TMEM42: variants seen among roughly 807,000 people sequenced by gnomAD.
TMEM42 encodes the protein transmembrane protein 42.
A neutral mutation model predicts 14.0 loss-of-function variants in TMEM42; 8 were observed. The observed-to-expected ratio is 0.57, with a 90% CI of 0.34 to 1.03. The LOEUF is 1.03. Among genes scored for constraint, TMEM42 ranks in the 50% least tolerant of loss-of-function variants. The pLI, the probability that TMEM42 is intolerant of heterozygous loss-of-function variation, is 0.03. For missense variants in TMEM42, 211 were observed against 219.8 expected (o/e 0.96, Z 0.25); for synonymous variants, 115 against 94.3 (o/e 1.22, Z -1.27).
chr3:44,864,479 G>A (rs928986151), intron 2 of TMEM42, 136 bp downstream of exon 2: 5 of 995,462 alleles, frequency 5.0e-6, no homozygotes, highest in Middle Eastern at 5.1e-4. Context: ...TTGACCCCTG[G>A]ATGAGTGCTC....
chr3:44,863,310 C>T (rs998010828), intron 1 of TMEM42: 1 of 117,436 alleles, frequency 8.5e-6, no homozygotes, highest in Non-Finnish European at 2.0e-5. Context: ...ACCCCCCCCC[C>T]CCGCCGCCTT....
Position 44,865,131 on chromosome 3 carries a change from A to C in TMEM42, c.431A>C (p.His144Pro), listed in dbSNP as rs769847857. The change falls in exon 3 of 3, where the codon CAC becomes CCC. Residue 144 changes from histidine to proline, a missense_variant. Coordinates refer to ENST00000302392, the MANE Select transcript of TMEM42 (RefSeq NM_144638.3). ...ATTCTCTGCGGACTCACCCTAATCCACAGGAAGCTCCCACCCACCTGGAAG... is the reference window on the plus strand; with the variant it reads ...ATTCTCTGCGGACTCACCCTAATCCCCAGGAAGCTCCCACCCACCTGGAAG... ...FLILCGLTLI[H>P]RKLPPTWKPL... The C allele has an allele frequency of 1.2e-6, 2 of 1,614,002 alleles. No homozygotes were observed. The highest frequency in any genetic ancestry group is 1.7e-6 in the Non-Finnish European group (2 of 1,180,006).
chr3:44,865,046 C>A lies in TMEM42; in HGVS notation c.346C>A (p.Leu116Met), dbSNP rs147012039. The A allele has an allele frequency of 6.2e-7, 1 of 1,614,064 alleles. No individual in the cohort carries two copies. Among genetic ancestry groups the A allele is most frequent in the Admixed American group, 1.7e-5 (1 of 60,014 alleles). The change falls in exon 3 of 3, where the codon CTG becomes ATG. Residue 116 changes from leucine to methionine, a missense_variant. By Grantham distance (15) the Leu-to-Met change is conservative (BLOSUM62 2). Coordinates refer to ENST00000302392, the MANE Select transcript of TMEM42 (RefSeq NM_144638.3). ...AGCTATCTTTGTCTCGCAGGCCTTC[C>A]TGGGCTATGTGCTGTATGGAGAGTG... The part of the protein sequence containing the change: ...TFSNILSSAF[L>M]GYVLYGECQE...
Position 44,861,982 on chromosome 3 carries a change from A to T in TMEM42, c.58A>T (p.Thr20Ser). 1 of 1,377,448 alleles carries T rather than the reference A, an allele frequency of 7.3e-7. No homozygotes were observed. 85.3% of individuals were successfully genotyped at this position (1,377,448 alleles called of 1,614,324 possible). ...GAVSATAYPD[T>S]PAEFPPHLQA... ...CGTGTCCGCGACCGCGTACCCTGAC[A>T]CCCCCGCGGAATTCCCTCCGCACCT... The change falls in exon 1 of 3, where the codon ACC becomes TCC. Residue 20 changes from threonine (T) to serine (S), a missense_variant. By Grantham distance (58) the Thr-to-Ser change is moderately conservative. Transcript: ENST00000302392.
Position 44,862,135 on chromosome 3 carries a change from T to TTGG in TMEM42, c.192+22_192+24dup, listed in dbSNP as rs1411986919. 3.8e-6 allele frequency: 3 copies of TTGG among 785,038 alleles called. No homozygotes were observed. Among genetic ancestry groups the TTGG allele is most frequent in the Admixed American group, 6.1e-5 (1 of 16,322 alleles). The allele number at this position is 785,038 out of a possible 1,614,324, so 48.6% of individuals were successfully genotyped here. ...CAGCGAGGTCGAGCCCGGGGCGCTG[T>TTGG]TGGTGCTGCTGCTGCGGGCGGGCGG... On this transcript the variant is annotated intron_variant, in intron 1 of 2. Coordinates refer to ENST00000302392, the MANE Select transcript of TMEM42 (RefSeq NM_144638.3).
intron 1 of TMEM42, chr3:44,862,981 C>G (rs1699275598): frequency 6.6e-6 from 1 of 152,122 alleles, no homozygotes; most frequent in South Asian, 2.1e-4. Flanking sequence ...ACTAGACCTT[C>G]ATAACCCTTT....
intron 2 of TMEM42, 25 bp downstream of exon 2, chr3:44,864,368 T>C: frequency 6.2e-7 from 1 of 1,613,724 alleles, no homozygotes; most frequent in Non-Finnish European, 8.5e-7. Context: ...GGTGTGGTGC[T>C]CTTGTCCTAA....
Position 44,865,457 on chromosome 3 carries a change from T to C in TMEM42, c.*277T>C. 2.3e-6 allele frequency: 1 copy of C among 442,910 alleles called. No homozygotes were observed. Among genetic ancestry groups the C allele is most frequent in the Non-Finnish European group, 4.1e-6 (1 of 242,122 alleles). The allele number at this position is 442,910 out of a possible 1,614,324, so 27.4% of individuals were successfully genotyped here. On this transcript the variant is annotated 3_prime_UTR_variant, in exon 3 of 3. Coordinates refer to ENST00000302392, the MANE Select transcript of TMEM42 (RefSeq NM_144638.3). ...TTCGCAGATGCTGGAGATCCTGGGGTTGGTCTGCTTTGTGTATGGTACTTG... is the reference window on the plus strand; with the variant it reads ...TTCGCAGATGCTGGAGATCCTGGGGCTGGTCTGCTTTGTGTATGGTACTTG...
intron 1 of TMEM42, chr3:44,863,298 G>GCACCCCCCC (rs1699280146): frequency 2.6e-5 from 1 of 38,726 alleles, no homozygotes; most frequent in Non-Finnish European, 5.7e-5. Context: ...TTTAGATTCC[G>GCACCCCCCC]CACCCCCCCC....
chr3:44,865,396 T>G lies in TMEM42; in HGVS notation c.*216T>G. ...AGTGTTTTGATCATCTGTACAGTGC[T>G]TTGGATTCTTCCTCCCAGGCCTACC... On this transcript the variant is annotated 3_prime_UTR_variant, in exon 3 of 3. Transcript: ENST00000302392. The G allele has an allele frequency of 1.7e-6, 1 of 585,530 alleles. No individual in the cohort carries two copies. The highest frequency in any genetic ancestry group is 3.0e-5 in the Admixed American group (1 of 33,022). 36.3% of individuals were successfully genotyped at this position (585,530 alleles called of 1,614,324 possible). A position where few individuals can be genotyped will look rare whatever the true frequency, so the allele number is the denominator to read the frequency against.
chr3:44,863,218 T>C (rs1382960040), intron 1 of TMEM42: 1 of 148,380 alleles, frequency 6.7e-6, no homozygotes, highest in Non-Finnish European at 1.5e-5. Flanking sequence ...GTGTAAGTTA[T>C]AAGCAAGCAC....
rs994292782 is a variant in TMEM42, at chr3:44,865,230, C to T, written c.*50C>T. 6.2e-7 allele frequency: 1 copy of T among 1,611,290 alleles called. No homozygotes were observed. The highest frequency in any genetic ancestry group is 8.5e-7 in the Non-Finnish European group (1 of 1,177,728). On this transcript the variant is annotated 3_prime_UTR_variant, in exon 3 of 3. Coordinates refer to ENST00000302392, the MANE Select transcript of TMEM42 (RefSeq NM_144638.3). ...TGGAAAGATCATGATGGTGGCCCAG[C>T]CTTGGGATGTCATGTGGGACTGTAT... is the stretch of plus-strand genomic sequence containing the variant.
Position 44,865,148 on chromosome 3 carries a change from A to T in TMEM42, c.448A>T (p.Thr150Ser). 1 of 1,614,110 alleles carries T rather than the reference A, an allele frequency of 6.2e-7. No individual in the cohort carries two copies. Among genetic ancestry groups the T allele is most frequent in the African/African-American group, 1.3e-5 (1 of 75,012 alleles). ...CCTAATCCACAGGAAGCTCCCACCC[A>T]CCTGGAAGCCCCTTCCACACAAGCA... ...LTLIHRKLPP[T>S]WKPLPHKQQ The change falls in exon 3 of 3, where the codon ACC (threonine) becomes TCC (serine). Residue 150 changes from threonine to serine, a missense_variant. By Grantham distance (58) the Thr-to-Ser change is moderately conservative (BLOSUM62 1). Coordinates refer to ENST00000302392, the MANE Select transcript of TMEM42 (RefSeq NM_144638.3).
chr3:44,865,064 G>A lies in TMEM42; in HGVS notation c.364G>A (p.Gly122Arg). Residue 122 changes from glycine to arginine, a missense_variant, in exon 3 of 3, where the codon GGA becomes AGA. By Grantham distance (125) the Gly-to-Arg change is moderately radical. Coordinates refer to ENST00000302392, the MANE Select transcript of TMEM42 (RefSeq NM_144638.3). ...SSAFLGYVLYGECQEVLWWGG... is the reference protein window; with the variant it reads ...SSAFLGYVLYRECQEVLWWGG... ...GGCCTTCCTGGGCTATGTGCTGTAT[G>A]GAGAGTGCCAGGAGGTCTTGTGGTG... The A allele has an allele frequency of 6.2e-7, 1 of 1,614,140 alleles. No individual in the cohort carries two copies. Among genetic ancestry groups the A allele is most frequent in the East Asian group, 2.2e-5 (1 of 44,866 alleles).
intron 1 of TMEM42, 83 bp from the exon 2 acceptor site, chr3:44,864,114 A>G (rs988639836): frequency 3.2e-6 from 5 of 1,573,190 alleles, no homozygotes; most frequent in East Asian, 2.2e-5. Context: ...GGTGCCAGCA[A>G]CCACAGTCCT....
chr3:44,863,596 A>T (rs1699287937), intron 1 of TMEM42: 1 of 152,638 alleles, frequency 6.6e-6, no homozygotes, highest in African/African-American at 2.4e-5. Context: ...TAGGAAGGTT[A>T]CTTAATGCCC....
Position 44,864,321 on chromosome 3 carries a change from CT to C in TMEM42, c.322del (p.Ser108GlnfsTer35). 3 of 1,614,164 alleles carry C rather than the reference CT, an allele frequency of 1.9e-6. No homozygotes were observed. Among genetic ancestry groups the C allele is most frequent in the African/African-American group, 1.3e-5 (1 of 75,026 alleles). ...TCAGCCATTGCATCTGTCACAGTGA[CT>C]TTTTCAAATATCCTCAGCTCGGTGA... is the stretch of plus-strand genomic sequence containing the variant. ...MSSAIASVTVTFSNILSSAFL... is the reference protein window; with the variant it reads ...MSSAIASVTVXFSNILSSAFL... On this transcript the variant is annotated frameshift_variant, in exon 2 of 3. Coordinates refer to ENST00000302392, the MANE Select transcript of TMEM42 (RefSeq NM_144638.3). LOFTEE classifies it high-confidence loss of function.
At chr3:44,862,181 G>C (rs1699263402) in intron 1 of TMEM42, 65 bp downstream of exon 1, 1 of 1,072,908 alleles carries the variant, frequency 9.3e-7, no homozygotes, top group Non-Finnish European at 1.1e-6. Flanking sequence ...GCTGGGCGGA[G>C]GAGGGGCGCT....
rs3749197 is a variant in TMEM42, at chr3:44,862,276, C to A, written c.192+160C>A. On this transcript the variant is annotated intron_variant, in intron 1 of 2. Coordinates refer to ENST00000302392, the MANE Select transcript of TMEM42 (RefSeq NM_144638.3). Reference sequence around the variant, plus strand: ...TCGCCGGTCTGTCCCGCCGGGGCCCCGGGCCGCGGGCGGCGCTGCGGTCAG... The same window carrying A: ...TCGCCGGTCTGTCCCGCCGGGGCCCAGGGCCGCGGGCGGCGCTGCGGTCAG... 586 of 340,744 alleles carry A rather than the reference C, an allele frequency of 1.7e-3. 16 individuals carry two copies. In the East Asian group the frequency reaches 0.079, roughly 46 times the overall value. 21.1% of individuals were successfully genotyped at this position (340,744 alleles called of 1,614,324 possible).
Sources: allele counts gnomAD v4.1 joint callset, GRCh38; gene constraint gnomAD v4.1.1; transcripts MANE v1.5; gene names NCBI Gene and HGNC (gene_info 2026-07-23, HGNC 2026-07-21).